The following TMEM135 variants were observed in gnomAD, a reference collection of about 807,000 sequenced individuals.
TMEM135 encodes peroxisomal membrane protein 52.
TMEM135 carries 30 observed loss-of-function variants against 60.3 expected under a neutral mutation model. The ratio of observed to expected loss-of-function variants is 0.50; its 90% CI spans 0.37 to 0.68. TMEM135 has a LOEUF of 0.68. Among genes scored for constraint, TMEM135 ranks in the 30% least tolerant of loss-of-function variants. TMEM135 has a pLI of 0.00. For synonymous variants in TMEM135, 190 were observed against 186.7 expected, an observed-to-expected ratio of 1.02 and a Z score of -0.14; for missense variants, 468 against 548.8, an observed-to-expected ratio of 0.85 and a Z score of 1.47.
chr11:87,325,331 G>A lies in TMEM135; in HGVS notation c.*3998G>A, dbSNP rs1942896854. ...GGCCATGATATAGCTAGTGTCATAG[G>A]ACTACAGCAGAGTAGTGAGTGAATG... On this transcript the variant is annotated 3_prime_UTR_variant, in exon 15 of 15. Transcript: ENST00000305494. 4.4e-6 allele frequency: 2 copies of A among 454,102 alleles called. No individual in the cohort carries two copies. Among genetic ancestry groups the A allele is most frequent in the Non-Finnish European group, 8.8e-6 (2 of 226,788 alleles). 28.1% of individuals were successfully genotyped at this position (454,102 alleles called of 1,614,324 possible). A position where few individuals can be genotyped will look rare whatever the true frequency, so the allele number is the denominator to read the frequency against.
chr11:87,054,485 A>G (rs1374026504), intron 1 of TMEM135, among the ~76,000 whole-genome samples: 1 of 152,212 alleles, frequency 6.6e-6, no homozygotes, highest in African/African-American at 2.4e-5. Flanking sequence ...GACCTTAAAT[A>G]ATTTATATGT....
intron 5 of TMEM135, among the ~76,000 whole-genome samples, chr11:87,195,917 A>G (rs565634188): frequency 6.6e-6 from 1 of 152,306 alleles, no homozygotes; most frequent in Admixed American, 6.5e-5. Flanking sequence ...GTTCGAGACT[A>G]TTTTATGGCA....
At chr11:87,127,111 T>TA (rs994841060) in intron 4 of TMEM135, among the ~76,000 whole-genome samples, 4 of 152,112 alleles carry the variant, frequency 2.6e-5, no homozygotes, top group African/African-American at 9.7e-5. Context: ...GTTAAAACCA[T>TA]AAAAAAAGTA....
chr11:87,123,408 T>A (rs1591037059), intron 4 of TMEM135, among the ~76,000 whole-genome samples: 1 of 152,200 alleles, frequency 6.6e-6, no homozygotes, highest in Non-Finnish European at 1.5e-5. Context: ...CTTCTCTCTC[T>A]GTCTGTGTGA....
In TMEM135 at chr11:87,324,427, T is replaced by G. The variant is rs1410247794; in HGVS notation, c.*3094T>G. 1 of 453,958 alleles carries G rather than the reference T, an allele frequency of 2.2e-6. No homozygotes were observed. Among genetic ancestry groups the G allele is most frequent in the Admixed American group, 2.3e-5 (1 of 42,554 alleles). 28.1% of individuals were successfully genotyped at this position (453,958 alleles called of 1,614,324 possible). Reference sequence around the variant, plus strand: ...TCCTTAAATTCTCCGTGTGATTTATTTTTTTATTTTTTGAGTTGAGGTCTA... The same window carrying G: ...TCCTTAAATTCTCCGTGTGATTTATGTTTTTATTTTTTGAGTTGAGGTCTA... On this transcript the variant is annotated 3_prime_UTR_variant, in exon 15 of 15. Coordinates refer to ENST00000305494, the MANE Select transcript of TMEM135 (RefSeq NM_022918.4).
intron 5 of TMEM135, among the ~76,000 whole-genome samples, chr11:87,176,808 A>G (rs1939380859): frequency 6.6e-6 from 1 of 152,068 alleles, no homozygotes; most frequent in Admixed American, 6.6e-5. Flanking sequence ...GATGAATAAG[A>G]TTTTACACAT....
intron 4 of TMEM135, among the ~76,000 whole-genome samples, chr11:87,135,621 C>G (rs973074097): frequency 1.3e-5 from 2 of 151,692 alleles, no homozygotes; most frequent in East Asian, 3.9e-4. Flanking sequence ...AAACCCAAAC[C>G]ATGCGGTCTT....
chr11:87,115,405 G>C (rs1313460446), intron 4 of TMEM135, among the ~76,000 whole-genome samples: 1 of 152,018 alleles, frequency 6.6e-6, no homozygotes, highest in Admixed American at 6.6e-5. Flanking sequence ...TTTTAAAAAA[G>C]TAAAATAAAG....
Position 87,088,121 on chromosome 11 carries a change from A to G in TMEM135, c.363-3241A>G, listed in dbSNP as rs779179319. On this transcript the variant is annotated intron_variant, in intron 3 of 14. Transcript: ENST00000305494. ...AATTGGGTAAATTCCTCTCTTCTTGAGGTGTCAAGATAACTTGGGGCTCCT... is the reference window on the plus strand; with the variant it reads ...AATTGGGTAAATTCCTCTCTTCTTGGGGTGTCAAGATAACTTGGGGCTCCT... Among the ~76,000 whole-genome samples, 128 of 152,130 alleles carry G rather than the reference A, an allele frequency of 8.4e-4. 3 individuals carry two copies. The highest frequency in any genetic ancestry group is 6.8e-3 in the Middle Eastern group (2 of 292).
chr11:87,248,183 A>C (rs1318568428), intron 6 of TMEM135, among the ~76,000 whole-genome samples: 1 of 152,158 alleles, frequency 6.6e-6, no homozygotes, highest in Non-Finnish European at 1.5e-5. Context: ...TATCTCTTTG[A>C]TATACTGATT....
chr11:87,211,551 G>C (rs1002615932), intron 5 of TMEM135, among the ~76,000 whole-genome samples: 1 of 152,148 alleles, frequency 6.6e-6, no homozygotes, highest in African/African-American at 2.4e-5. Flanking sequence ...TCTTGAATTC[G>C]TGTACATTGT....
At chr11:87,223,849 A>AAAAGAAAGAAAG (rs142297718) in intron 5 of TMEM135, among the ~76,000 whole-genome samples, 3 of 150,082 alleles carry the variant, frequency 2.0e-5, no homozygotes, top group East Asian at 2.0e-4. Flanking sequence ...GACTGTCTAA[A>AAAAGAAAGAAAG]AAAGAAAGAA....
intron 1 of TMEM135, among the ~76,000 whole-genome samples, chr11:87,064,405 T>C (rs1379376548): frequency 1.3e-5 from 2 of 152,172 alleles, no homozygotes; most frequent in African/African-American, 4.8e-5. Context: ...TCTTGCAAAG[T>C]AGTAGTATAA....
Position 87,067,782 on chromosome 11 carries a change from C to T in TMEM135, c.230C>T (p.Ala77Val). Residue 77 changes from alanine (A) to valine (V), a missense_variant, in exon 2 of 15, where the codon GCT becomes GTT. Transcript: ENST00000305494. ...CTACAATCCGCTTCATTTCTAACTG[C>T]TAATGGGGCCTTGTATATGGCTTTC... is the stretch of plus-strand genomic sequence containing the variant. ...EILQSASFLT[A>V]NGALYMAFFC... The T allele has an allele frequency of 1.2e-6, 2 of 1,613,906 alleles. No individual in the cohort carries two copies. The highest frequency in any genetic ancestry group is 8.5e-7 in the Non-Finnish European group (1 of 1,179,916).
At chr11:87,086,239 G>A (rs890960838) in intron 3 of TMEM135, among the ~76,000 whole-genome samples, 1 of 152,048 alleles carries the variant, frequency 6.6e-6, no homozygotes, top group Admixed American at 6.6e-5. Context: ...TATGCCTTAG[G>A]TGTGAGGTAT....
intron 5 of TMEM135, among the ~76,000 whole-genome samples, chr11:87,230,621 A>G (rs937061660): frequency 4.6e-5 from 7 of 152,130 alleles, no homozygotes; most frequent in Non-Finnish European, 1.0e-4. Context: ...AAGTATATAT[A>G]TGTGCAGATG....
chr11:87,257,261 T>A (rs1382892251), intron 6 of TMEM135, among the ~76,000 whole-genome samples: 1 of 152,184 alleles, frequency 6.6e-6, no homozygotes, highest in Non-Finnish European at 1.5e-5. Flanking sequence ...AATTTAACTG[T>A]TTGCTTTACT....
chr11:87,292,355 T>C (rs1033541717), intron 6 of TMEM135, among the ~76,000 whole-genome samples: 42 of 152,360 alleles, frequency 2.8e-4, no homozygotes, highest in African/African-American at 9.9e-4. Flanking sequence ...GGATTCTTTA[T>C]TGTTCACAGT....
chr11:87,181,016 C>CAAAGTTCT (rs1354343299), intron 5 of TMEM135, among the ~76,000 whole-genome samples: 2 of 152,112 alleles, frequency 1.3e-5, no homozygotes, highest in Non-Finnish European at 2.9e-5. Context: ...GGAATTATGA[C>CAAAGTTCT]AAAGTTCTTA....
Sources: allele counts gnomAD v4.1 joint callset (sites outside exome capture counted in the v4.1 genomes callset), GRCh38; gene constraint gnomAD v4.1.1; transcripts MANE v1.5; gene names NCBI Gene and HGNC (gene_info 2026-07-23, HGNC 2026-07-21).